Variants in ZFYVE16 observed in about 807,000 individuals in gnomAD.
ZFYVE16 encodes the protein zinc finger FYVE domain-containing protein 16.
In ZFYVE16, 89 loss-of-function variants were observed where a neutral mutation model predicts 138.1. That is an observed-to-expected ratio of 0.64 (90% confidence interval 0.54 to 0.77). The LOEUF (loss-of-function observed/expected upper bound fraction) is 0.77, where lower values mean the gene tolerates loss of function less well. Ranked by LOEUF, ZFYVE16 falls within the 30% of genes least tolerant of loss-of-function variation. The probability of loss-of-function intolerance (pLI) is 0.00; values close to 1 mark genes in which losing one functional copy is unlikely to be tolerated. For synonymous variants in ZFYVE16, 596 were observed against 618.3 expected (o/e 0.96, Z 0.53); for missense variants, 1,793 against 1,786.7 (o/e 1.00, Z -0.06).
chr5:80,456,586 C>G (rs750910314), intron 13 of ZFYVE16, 21 bp downstream of exon 13: 1 of 1,576,976 alleles, frequency 6.3e-7, no homozygotes, highest in African/African-American at 1.4e-5. Flanking sequence ...TTGTTTTATT[C>G]AAATGACAAT....
intron 7 of ZFYVE16, among the ~76,000 whole-genome samples, chr5:80,447,344 CAT>C (rs1751487917): frequency 6.8e-6 from 1 of 146,842 alleles, no homozygotes; most frequent in Non-Finnish European, 1.5e-5. Context: ...TTGGTAGAAA[CAT>C]ATGCTGTTTG....
chr5:80,472,773 T>C lies in ZFYVE16; in HGVS notation c.4037T>C (p.Val1346Ala). The change falls in exon 16 of 19, where the codon GTA (valine) becomes GCA (alanine). Residue 1346 changes from valine to alanine, a missense_variant. Transcript: ENST00000505560. ...GTCTCATTTCTAGATGGCTTAATGGTACAAATAACTCCAGAGACCATGAAT... is the reference window on the plus strand; with the variant it reads ...GTCTCATTTCTAGATGGCTTAATGGCACAAATAACTCCAGAGACCATGAAT... ...KSSIVEDGLMVQITPETMNGL... is the reference protein window; with the variant it reads ...KSSIVEDGLMAQITPETMNGL... 6.2e-7 allele frequency: 1 copy of C among 1,613,476 alleles called. No homozygotes were observed. Among genetic ancestry groups the C allele is most frequent in the Non-Finnish European group, 8.5e-7 (1 of 1,179,798 alleles).
chr5:80,470,275 G>A (rs942688065), intron 15 of ZFYVE16, among the ~76,000 whole-genome samples: 30 of 148,312 alleles, frequency 2.0e-4, no homozygotes, highest in African/African-American at 5.2e-4. Flanking sequence ...CTAATTTTTC[G>A]TATTTTTAGT....
rs533060903 is a variant in ZFYVE16 at position 80,432,171 on chromosome 5, C to G, written c.-39-1938C>G. Among the ~76,000 whole-genome samples the G allele has an allele frequency of 6.1e-3, 930 of 152,264 alleles. 9 individuals are homozygous for G. The highest frequency in any genetic ancestry group is 0.021 in the African/African-American group (858 of 41,552). ...AACAAAGCTGGAGGCATCACGCTAC[C>G]TGACTTCAAACTATACTACAAGGCT... is the stretch of plus-strand genomic sequence containing the variant. On this transcript the variant is annotated intron_variant, in intron 2 of 18. Transcript: ENST00000505560.
chr5:80,438,144 A>G lies in ZFYVE16; in HGVS notation c.1459A>G (p.Thr487Ala). The G allele has an allele frequency of 6.2e-7, 1 of 1,613,972 alleles. No homozygotes were observed. The highest frequency in any genetic ancestry group is 1.7e-5 in the Admixed American group (1 of 59,992). The change falls in exon 4 of 19, where the codon ACT becomes GCT. Residue 487 changes from threonine (T) to alanine (A), a missense_variant. Physicochemically the swap from Thr to Ala is moderately conservative, Grantham distance 58. This residue lies in a region of ZFYVE16 where 1,295 missense variants were observed against 1,204.3 expected (regional missense o/e 1.08). Transcript: ENST00000505560. Reference protein sequence around the residue: ...VVESQEGLSGTHVPESSDCCE... With the variant: ...VVESQEGLSGAHVPESSDCCE... ...AGAATCTCAAGAGGGGCTTTCTGGC[A>G]CTCATGTCCCAGAGTCTTCTGATTG...
chr5:80,447,400 A>G (rs1200432782), intron 7 of ZFYVE16, among the ~76,000 whole-genome samples: 3 of 152,128 alleles, frequency 2.0e-5, no homozygotes, highest in Non-Finnish European at 4.4e-5. Context: ...CGTAATTACC[A>G]TGGGTATGTT....
At chr5:80,412,547 A>T (rs1745603455) in intron 1 of ZFYVE16, among the ~76,000 whole-genome samples, 1 of 152,152 alleles carries the variant, frequency 6.6e-6, no homozygotes, top group Non-Finnish European at 1.5e-5. Context: ...TTGTCATATC[A>T]TACCTTTTAC....
chr5:80,471,400 A>G (rs903593149), intron 15 of ZFYVE16, among the ~76,000 whole-genome samples: 1 of 152,160 alleles, frequency 6.6e-6, no homozygotes, highest in African/African-American at 2.4e-5. Context: ...TGCACACACT[A>G]TATTGTAAAT....
At chr5:80,422,861 A>G (rs960079931) in intron 1 of ZFYVE16, among the ~76,000 whole-genome samples, 4 of 152,214 alleles carry the variant, frequency 2.6e-5, no homozygotes, top group African/African-American at 9.7e-5. Context: ...CCAGCCTTGC[A>G]TACCTGGATA....
chr5:80,460,191 T>A (rs570216411), intron 15 of ZFYVE16, among the ~76,000 whole-genome samples: 37 of 152,278 alleles, frequency 2.4e-4, no homozygotes, highest in Middle Eastern at 3.4e-3. Flanking sequence ...ATCCTGTAGG[T>A]ATCTCTGAAT....
chr5:80,430,686 T>C (rs1180224333), intron 2 of ZFYVE16, among the ~76,000 whole-genome samples: 2 of 152,200 alleles, frequency 1.3e-5, no homozygotes, highest in African/African-American at 4.8e-5. Flanking sequence ...ATTGATAGAC[T>C]GCTAGCAAGA....
chr5:80,441,604 T>C (rs1580236828), intron 5 of ZFYVE16: 3 of 985,134 alleles, frequency 3.0e-6, no homozygotes, highest in Middle Eastern at 5.2e-4. Flanking sequence ...CCATGAAGGA[T>C]TGGAAGAAAA....
At position 80,437,840 on chromosome 5, in the gene ZFYVE16, T is replaced by G. The variant is rs750008161; in HGVS notation, c.1155T>G (p.Cys385Trp). 5 of 1,613,988 alleles carry G rather than the reference T, an allele frequency of 3.1e-6. No homozygotes were observed. The highest frequency in any genetic ancestry group is 3.4e-6 in the Non-Finnish European group (4 of 1,179,988). ...GTCTTCCTGCGTCTGGGTCTATGTG[T>G]GGATCATTAATTGAAAGTAAAGCAC... is the stretch of plus-strand genomic sequence containing the variant. ...LSCLPASGSMCGSLIESKARG... is the reference protein window; with the variant it reads ...LSCLPASGSMWGSLIESKARG... Residue 385 changes from cysteine (C) to tryptophan (W), a missense_variant, in exon 4 of 19, where the codon TGT (cysteine) becomes TGG (tryptophan). Cys to Trp is a radical substitution (Grantham distance 215, BLOSUM62 -2). This residue lies in a region of ZFYVE16 where 1,295 missense variants were observed against 1,204.3 expected (regional missense o/e 1.08). Transcript: ENST00000505560.
chr5:80,408,535 G>A (rs1323821119), intron 1 of ZFYVE16, among the ~76,000 whole-genome samples: 1 of 152,244 alleles, frequency 6.6e-6, no homozygotes, highest in African/African-American at 2.4e-5. Context: ...CTGCGACTGC[G>A]GAGGGGACTG....
chr5:80,420,613 A>G (rs1747004027), intron 1 of ZFYVE16, among the ~76,000 whole-genome samples: 2 of 152,174 alleles, frequency 1.3e-5, no homozygotes, highest in Admixed American at 1.3e-4. Context: ...TGTCCCTACA[A>G]AGGACATGAA....
chr5:80,449,561 C>G (rs1207600211), intron 8 of ZFYVE16, 30 bp from the exon 9 acceptor site: 1 of 1,584,412 alleles, frequency 6.3e-7, no homozygotes, highest in African/African-American at 1.4e-5. Context: ...GGATATTTAT[C>G]CTGATTAATA....
At chr5:80,471,610 G>A (rs13172073) in intron 15 of ZFYVE16, among the ~76,000 whole-genome samples, 10,292 of 152,146 alleles carry the variant, frequency 0.068, 483 homozygotes, top group Non-Finnish European at 0.1. Context: ...GTGACCCCCC[G>A]GACCCAGCAT....
At chr5:80,460,428 A>T (rs1752980995) in intron 15 of ZFYVE16, among the ~76,000 whole-genome samples, 1 of 152,122 alleles carries the variant, frequency 6.6e-6, no homozygotes, top group African/African-American at 2.4e-5. Flanking sequence ...TCATTTTAAT[A>T]CAGTATAATT....
intron 1 of ZFYVE16, among the ~76,000 whole-genome samples, chr5:80,416,246 GATT>G (rs1580084182): frequency 9.3e-6 from 1 of 107,924 alleles, no homozygotes; most frequent in Admixed American, 1.3e-4. Context: ...TGAATACATA[GATT>G]TTTTTTTTTT....
Sources: gnomAD v4.1 joint callset for allele counts (sites outside exome capture counted in the v4.1 genomes callset) on GRCh38, gnomAD v4.1.1 for gene constraint, gnomAD v4.1.1 regional missense constraint, MANE v1.5 for transcripts, NCBI Gene and HGNC (gene_info 2026-07-23, HGNC 2026-07-21) for gene names.